Variants in ANK1 observed in about 807,000 individuals in gnomAD.
ANK1 encodes the protein ankyrin 1.
A neutral mutation model predicts 210.4 loss-of-function variants in ANK1; 51 were observed. That is an observed-to-expected ratio of 0.24 (90% CI 0.19 to 0.31). ANK1 has a LOEUF of 0.31. ANK1 is among the 10% of genes least tolerant of loss of function. ANK1 has a pLI of 1.00. For missense variants in ANK1, 2,051 were observed against 2,504.4 expected (o/e 0.82, Z 3.86); for synonymous variants, 967 against 1,025.9 (o/e 0.94, Z 1.10).
At chr8:41,665,429 A>C in intron 39 of ANK1, 6 of 475,470 alleles carry the variant, frequency 1.3e-5, no homozygotes, top group East Asian at 1.4e-4. Context: ...CTGCTGCCTA[A>C]CCCCGCCCTG....
intron 1 of ANK1, among the ~76,000 whole-genome samples, chr8:41,786,826 T>C (rs532907541): frequency 7.9e-5 from 12 of 152,350 alleles, no homozygotes; most frequent in African/African-American, 2.6e-4. Flanking sequence ...ATCCTACAGA[T>C]GCTTTTTAAC....
chr8:41,837,937 C>T (rs1431437475), intron 1 of ANK1, among the ~76,000 whole-genome samples: 1 of 152,126 alleles, frequency 6.6e-6, no homozygotes, highest in African/African-American at 2.4e-5. Context: ...ACCTGAATGG[C>T]CAAGGCTGCA....
chr8:41,734,727 A>G (rs539101654), intron 2 of ANK1, among the ~76,000 whole-genome samples: 3 of 151,342 alleles, frequency 2.0e-5, no homozygotes, highest in African/African-American at 7.3e-5. Context: ...CCCTAGCTCT[A>G]CAAAAGAAAA....
intron 1 of ANK1, among the ~76,000 whole-genome samples, chr8:41,857,882 C>A (rs533536819): frequency 6.7e-6 from 1 of 150,068 alleles, no homozygotes; most frequent in Non-Finnish European, 1.5e-5. Flanking sequence ...CCAGCCTGGG[C>A]GACAGAGTGA....
intron 2 of ANK1, among the ~76,000 whole-genome samples, chr8:41,738,351 G>A (rs967831529): frequency 4.6e-5 from 7 of 152,152 alleles, no homozygotes; most frequent in African/African-American, 9.7e-5. Context: ...GTCTTAGTAC[G>A]TAGATGGCTG....
At chr8:41,884,086 C>T (rs1347671718) in intron 1 of ANK1, among the ~76,000 whole-genome samples, 1 of 152,180 alleles carries the variant, frequency 6.6e-6, no homozygotes, top group Admixed American at 6.5e-5. Flanking sequence ...CGCAGTGGCT[C>T]ACACCTTAAT....
chr8:41,705,406 G>A (rs1281385101), intron 18 of ANK1, among the ~76,000 whole-genome samples: 1 of 152,210 alleles, frequency 6.6e-6, no homozygotes, highest in East Asian at 1.9e-4. Context: ...GATTGCTGTG[G>A]AAGCTGCAGG....
chr8:41,659,783 G>A (rs545456131), intron 42 of ANK1, among the ~76,000 whole-genome samples: 11 of 142,340 alleles, frequency 7.7e-5, no homozygotes, highest in East Asian at 2.3e-4. Context: ...AGGCTGCTCC[G>A]TGTTTCTGAC....
At chr8:41,855,794 G>C (rs1812084757) in intron 1 of ANK1, among the ~76,000 whole-genome samples, 1 of 152,042 alleles carries the variant, frequency 6.6e-6, no homozygotes, top group Non-Finnish European at 1.5e-5. Context: ...AAGGGGGTAG[G>C]ACTTCACTCA....
chr8:41,787,059 T>A lies in ANK1; in HGVS notation c.27+10453A>T, dbSNP rs562869719. ...ATGTATTTATTTAGTGCCAGAGACGTCCCAAAGCACAGAGGGATGCCTGAT... is the reference window on the plus strand; with the variant it reads ...ATGTATTTATTTAGTGCCAGAGACGACCCAAAGCACAGAGGGATGCCTGAT... On this transcript the variant is annotated intron_variant, in intron 1 of 42. Coordinates refer to ENST00000289734, the MANE Select transcript of ANK1 (RefSeq NM_000037.4). Among the ~76,000 whole-genome samples the A allele has an allele frequency of 2.6e-4, 40 of 152,284 alleles. 1 individual carries two copies. The South Asian group carries it at 8.1e-3, about 31-fold the overall frequency.
At chr8:41,724,370 C>A in intron 7 of ANK1, 86 bp downstream of exon 7, 1 of 1,205,530 alleles carries the variant, frequency 8.3e-7, no homozygotes, top group Non-Finnish European at 1.2e-6. Flanking sequence ...ACTTCTGCCA[C>A]TGGGATGAAA....
rs574839632 is a variant in ANK1, at chr8:41,706,826, C to T, written c.1999-585G>A. On this transcript the variant is annotated intron_variant, in intron 17 of 42. Coordinates refer to ENST00000289734, the MANE Select transcript of ANK1 (RefSeq NM_000037.4). ...ACAGTGCTGTTTAAATGGCTGGGCG[C>T]GGCGGCTCATGCCTGTCATCCCAGC... 2.9e-4 allele frequency among the ~76,000 whole-genome samples: 44 copies of T among 152,300 alleles called. 1 individual carries two copies. In the South Asian group the frequency reaches 5.0e-3, roughly 17 times the overall value.
rs750102641 is a variant in ANK1, at chr8:41,725,803, C to A, written c.570G>T (p.Ala190=). 2 of 1,611,674 alleles carry A rather than the reference C, an allele frequency of 1.2e-6. No individual in the cohort carries two copies. Among genetic ancestry groups the A allele is most frequent in the Non-Finnish European group, 8.5e-7 (1 of 1,179,734 alleles). Residue 190 remains alanine, a synonymous_variant, in exon 6 of 43, where the codon GCG becomes GCT. Coordinates refer to ENST00000289734, the MANE Select transcript of ANK1 (RefSeq NM_000037.4). ...AARNDDTRTA[A]VLLQNDPNPD... ...GGTTGGGGTCGTTCTGCAGCAGCACCGCAGCCGTGCGCGTGTCGTCGTTGC... is the reference window on the plus strand; with the variant it reads ...GGTTGGGGTCGTTCTGCAGCAGCACAGCAGCCGTGCGCGTGTCGTCGTTGC...
At chr8:41,849,621 A>C (rs1160237775) in intron 1 of ANK1, among the ~76,000 whole-genome samples, 1 of 152,196 alleles carries the variant, frequency 6.6e-6, no homozygotes, top group Admixed American at 6.5e-5. Context: ...TGAGCATGAC[A>C]ATGATCCCCT....
chr8:41,688,465 C>A (rs1332864618), intron 34 of ANK1, 46 bp downstream of exon 34: 2 of 1,600,482 alleles, frequency 1.2e-6, no homozygotes, highest in Admixed American at 1.7e-5. Flanking sequence ...CACGCCCACC[C>A]TTCTTGGGAA....
intron 39 of ANK1, 32 bp downstream of exon 39, chr8:41,668,235 A>G (rs967624250): frequency 6.2e-7 from 1 of 1,613,770 alleles, no homozygotes; most frequent in African/African-American, 1.3e-5. Flanking sequence ...CTGGGAAGGA[A>G]CAGCAGCACG....
At chr8:41,814,065 T>A (rs1000726991) in intron 1 of ANK1, among the ~76,000 whole-genome samples, 1 of 152,312 alleles carries the variant, frequency 6.6e-6, no homozygotes, top group African/African-American at 2.4e-5. Context: ...ACTGCCATTT[T>A]AAAAAATTCA....
intron 17 of ANK1, 28 bp from the exon 18 acceptor site, chr8:41,706,269 T>C (rs1824549531): frequency 6.3e-7 from 1 of 1,598,208 alleles, no homozygotes; most frequent in South Asian, 1.1e-5. Flanking sequence ...TTCATCACCT[T>C]CTATCAAGTA....
chr8:41,894,643 A>C (rs1300498185), intron 1 of ANK1, among the ~76,000 whole-genome samples: 1 of 152,164 alleles, frequency 6.6e-6, no homozygotes. Flanking sequence ...GAGGTGGATG[A>C]GAACACTGAG....
Sources: allele counts gnomAD v4.1 joint callset (sites outside exome capture counted in the v4.1 genomes callset), GRCh38; gene constraint gnomAD v4.1.1; transcripts MANE v1.5; gene names NCBI Gene and HGNC (gene_info 2026-07-23, HGNC 2026-07-21).